SOX5: variants seen among roughly 807,000 people sequenced by gnomAD.
SOX5 encodes the protein SRY-box transcription factor 5, also known as transcription factor SOX-5.
Under a neutral mutation model 92.0 loss-of-function variants are expected in SOX5, and 9 were observed. The ratio of observed to expected loss-of-function variants is 0.10; its 90% CI spans 0.06 to 0.17. The LOEUF is 0.17. SOX5 is among the 10% of genes least tolerant of loss of function. SOX5 has a pLI of 1.00. For missense variants in SOX5, 642 were observed against 944.5 expected (o/e 0.68, Z 4.20); for synonymous variants, 344 against 336.3 (o/e 1.02, Z -0.25).
At chr12:24,358,569 G>A (rs888667698) in intron 2 of SOX5, among the ~76,000 whole-genome samples, 4 of 150,394 alleles carry the variant, frequency 2.7e-5, no homozygotes, top group South Asian at 4.2e-4. Context: ...CCAAGATCGC[G>A]CCACTGCACT....
At chr12:23,653,886 T>C (rs975840189) in intron 7 of SOX5, among the ~76,000 whole-genome samples, 1 of 152,122 alleles carries the variant, frequency 6.6e-6, no homozygotes, top group African/African-American at 2.4e-5. Context: ...TATGTCTTGC[T>C]CATCTTTAAA....
chr12:24,184,454 G>T (rs757156301), intron 4 of SOX5, among the ~76,000 whole-genome samples: 15 of 152,092 alleles, frequency 9.9e-5, no homozygotes, highest in Non-Finnish European at 1.8e-4. Flanking sequence ...GGATAAAAGA[G>T]AAATGATTTC....
chr12:24,146,548 T>C (rs1212097300), intron 4 of SOX5, among the ~76,000 whole-genome samples: 1 of 151,992 alleles, frequency 6.6e-6, no homozygotes, highest in African/African-American at 2.4e-5. Context: ...CTCAAACCCA[T>C]GACCTCCGTT....
At chr12:24,394,968 C>A (rs1241586795) in intron 1 of SOX5, among the ~76,000 whole-genome samples, 1 of 151,992 alleles carries the variant, frequency 6.6e-6, no homozygotes, top group Non-Finnish European at 1.5e-5. Context: ...ATTTTCTTTC[C>A]CCTAACACAA....
intron 4 of SOX5, among the ~76,000 whole-genome samples, chr12:23,967,343 T>TA (rs1947710086): frequency 6.6e-6 from 1 of 152,168 alleles, no homozygotes; most frequent in East Asian, 1.9e-4. Context: ...ACTGGTATTT[T>TA]AAAAAAGTAT....
At chr12:23,722,500 T>TA (rs762605969) in intron 6 of SOX5, among the ~76,000 whole-genome samples, 1 of 152,184 alleles carries the variant, frequency 6.6e-6, no homozygotes, top group Non-Finnish European at 1.5e-5. Context: ...AGTCTATAGT[T>TA]ACATATTTTT....
chr12:23,917,000 C>T (rs1203365748), intron 1 of SOX5, among the ~76,000 whole-genome samples: 1 of 152,146 alleles, frequency 6.6e-6, no homozygotes, highest in East Asian at 1.9e-4. Context: ...GTAACCATGG[C>T]ATGGCATAGG....
At chr12:24,280,123 C>T (rs1193889442) in intron 2 of SOX5, among the ~76,000 whole-genome samples, 1 of 152,142 alleles carries the variant, frequency 6.6e-6, no homozygotes, top group African/African-American at 2.4e-5. Flanking sequence ...CTAATGTACC[C>T]TAGTGTCTGA....
intron 1 of SOX5, 66 bp from the exon 2 acceptor site, chr12:23,896,090 T>C (rs1433353874): frequency 9.0e-7 from 1 of 1,116,454 alleles, no homozygotes; most frequent in East Asian, 2.4e-5. Context: ...CGTCATTGTG[T>C]GGTTAGGGGC....
intron 4 of SOX5, among the ~76,000 whole-genome samples, chr12:23,984,562 A>G (rs1949886275): frequency 6.6e-6 from 1 of 152,208 alleles, no homozygotes; most frequent in Non-Finnish European, 1.5e-5. Flanking sequence ...CAGTATGACT[A>G]GATCATTGAA....
chr12:23,989,218 CAAAAAAA>C (rs554892984), intron 4 of SOX5, among the ~76,000 whole-genome samples: 16 of 104,446 alleles, frequency 1.5e-4, no homozygotes, highest in African/African-American at 4.4e-4. Context: ...GCCAAAAATA[CAAAAAAA>C]AAAAAAAAAA....
chr12:24,402,754 A>G (rs1201877698), intron 1 of SOX5, among the ~76,000 whole-genome samples: 1 of 152,188 alleles, frequency 6.6e-6, no homozygotes, highest in Non-Finnish European at 1.5e-5. Flanking sequence ...GTACTTTTGC[A>G]ACATTTATAA....
intron 8 of SOX5, chr12:23,638,020 A>C (rs1481830820): frequency 6.6e-6 from 1 of 152,162 alleles, no homozygotes; most frequent in African/African-American, 2.4e-5. Flanking sequence ...GAACAAAGGC[A>C]GGTGTCATGT....
At chr12:24,422,026 G>A (rs1398817940) in intron 1 of SOX5, among the ~76,000 whole-genome samples, 1 of 152,184 alleles carries the variant, frequency 6.6e-6, no homozygotes, top group Non-Finnish European at 1.5e-5. Context: ...CATCTGTAAA[G>A]GTTGACTGCA....
chr12:24,109,845 C>T (rs578096793), intron 4 of SOX5, among the ~76,000 whole-genome samples: 1 of 152,288 alleles, frequency 6.6e-6, no homozygotes, highest in African/African-American at 2.4e-5. Flanking sequence ...ACTAAGCCTA[C>T]AGTCCATGTC....
At chr12:23,585,633 G>A (rs1301018460) in intron 9 of SOX5, among the ~76,000 whole-genome samples, 1 of 152,132 alleles carries the variant, frequency 6.6e-6, no homozygotes, top group African/African-American at 2.4e-5. Context: ...TGATATAGGA[G>A]TTAGTAAGAA....
chr12:24,299,062 G>A (rs931217388), intron 2 of SOX5, among the ~76,000 whole-genome samples: 3 of 152,170 alleles, frequency 2.0e-5, no homozygotes, highest in African/African-American at 7.2e-5. Flanking sequence ...CATAGCTATA[G>A]ATACTGAGTT....
At chr12:24,385,966 A>G (rs1204961469) in intron 1 of SOX5, among the ~76,000 whole-genome samples, 1 of 149,096 alleles carries the variant, frequency 6.7e-6, no homozygotes, top group Non-Finnish European at 1.5e-5. Flanking sequence ...TTTATGTGGC[A>G]TTTTAAAAAT....
At chr12:23,594,081 T>C (rs1951988461) in intron 9 of SOX5, among the ~76,000 whole-genome samples, 1 of 152,166 alleles carries the variant, frequency 6.6e-6, no homozygotes, top group Non-Finnish European at 1.5e-5. Flanking sequence ...AGTGTTAGTG[T>C]CAAAATATCA....
Sources: allele counts gnomAD v4.1 joint callset (sites outside exome capture counted in the v4.1 genomes callset), GRCh38; gene constraint gnomAD v4.1.1; transcripts MANE v1.5; gene names NCBI Gene and HGNC (gene_info 2026-07-23, HGNC 2026-07-21).